The following ZRANB3 variants were observed in gnomAD, a reference collection of about 807,000 sequenced individuals.
ZRANB3 encodes DNA annealing helicase and endonuclease ZRANB3.
A neutral mutation model predicts 133.8 loss-of-function variants in ZRANB3; 125 were observed. That is an observed-to-expected ratio of 0.93 (90% CI 0.81 to 1.08). The LOEUF is 1.08. Among genes scored for constraint, ZRANB3 ranks in the 50% least tolerant of loss-of-function variants. The probability of loss-of-function intolerance (pLI) is 0.00; values close to 1 mark genes in which losing one functional copy is unlikely to be tolerated. For synonymous variants in ZRANB3, 387 were observed against 432.7 expected (o/e 0.89, Z 1.31); for missense variants, 1,229 against 1,275.5 (o/e 0.96, Z 0.56).
intron 8 of ZRANB3, among the ~76,000 whole-genome samples, chr2:135,282,612 G>C (rs1681148538): frequency 6.6e-6 from 1 of 152,114 alleles, no homozygotes; most frequent in Admixed American, 6.5e-5. Context: ...AAATATATCT[G>C]CAAATACAAA....
chr2:135,287,362 G>T (rs1023836353), intron 8 of ZRANB3, among the ~76,000 whole-genome samples: 1 of 151,996 alleles, frequency 6.6e-6, no homozygotes, highest in South Asian at 2.1e-4. Flanking sequence ...TGATACCCCT[G>T]GATTTGTTCT....
chr2:135,342,067 A>G (rs1166214784), intron 6 of ZRANB3, among the ~76,000 whole-genome samples: 1 of 149,622 alleles, frequency 6.7e-6, no homozygotes, highest in Non-Finnish European at 1.5e-5. Context: ...TACACTCCCT[A>G]CCTTTTGAAA....
At chr2:135,243,685 C>A (rs996274823) in intron 12 of ZRANB3, among the ~76,000 whole-genome samples, 1 of 152,002 alleles carries the variant, frequency 6.6e-6, no homozygotes, top group African/African-American at 2.4e-5. Flanking sequence ...ATGGTGTGAT[C>A]ACAGCTCACT....
rs565465968 is a variant in ZRANB3 at position 135,269,202 on chromosome 2, T to G, written c.1207-61A>C. 8.2e-6 allele frequency: 11 copies of G among 1,348,534 alleles called. No homozygotes were observed. In the South Asian group the frequency reaches 1.6e-4, roughly 19 times the overall value. 83.5% of individuals were successfully genotyped at this position (1,348,534 alleles called of 1,614,324 possible). ...CATACAGCCAATATATAATAAAGTA[T>G]TTCTGAACATGTTAAATGGAGAACA... is the stretch of plus-strand genomic sequence containing the variant. On this transcript the variant is annotated intron_variant, in intron 10 of 20. Transcript: ENST00000264159.
At chr2:135,414,197 T>C (rs1344295062) in intron 2 of ZRANB3, among the ~76,000 whole-genome samples, 1 of 152,064 alleles carries the variant, frequency 6.6e-6, no homozygotes, top group Non-Finnish European at 1.5e-5. Flanking sequence ...GTGTGCTGTA[T>C]TCAGGAAACC....
At chr2:135,240,452 A>G (rs1423175454) in intron 12 of ZRANB3, among the ~76,000 whole-genome samples, 3 of 152,272 alleles carry the variant, frequency 2.0e-5, no homozygotes, top group African/African-American at 7.2e-5. Flanking sequence ...CACAAATTCT[A>G]TCAGCTATTT....
chr2:135,375,722 G>A lies in ZRANB3; in HGVS notation c.180+15080C>T, dbSNP rs1409869176. Reference sequence around the variant, plus strand: ...ACCCACAAAGTTGGCCGGGGTGGTGGAGCATGCCTGTAATCCCAGCTACTT... The same window carrying A: ...ACCCACAAAGTTGGCCGGGGTGGTGAAGCATGCCTGTAATCCCAGCTACTT... On this transcript the variant is annotated intron_variant, in intron 3 of 20. Transcript: ENST00000264159. 9.2e-5 allele frequency among the ~76,000 whole-genome samples: 14 copies of A among 151,674 alleles called. 1 individual carries two copies. The highest frequency in any genetic ancestry group is 2.2e-4 in the African/African-American group (9 of 41,418).
At chr2:135,293,902 T>C (rs1681894732) in intron 8 of ZRANB3, among the ~76,000 whole-genome samples, 2 of 151,514 alleles carry the variant, frequency 1.3e-5, no homozygotes, top group Admixed American at 1.3e-4. Flanking sequence ...TTACGTTTAT[T>C]GATTTTCGTA....
intron 8 of ZRANB3, among the ~76,000 whole-genome samples, chr2:135,290,901 T>C (rs1681675550): frequency 6.6e-6 from 1 of 152,160 alleles, no homozygotes; most frequent in Non-Finnish European, 1.5e-5. Context: ...TTCCAAACTT[T>C]TAGACTTTTC....
chr2:135,283,631 C>T (rs1172107574), intron 8 of ZRANB3, among the ~76,000 whole-genome samples: 1 of 147,338 alleles, frequency 6.8e-6, no homozygotes, highest in Non-Finnish European at 1.5e-5. Context: ...AAAAAAAAAA[C>T]TGAATTCAAT....
At position 135,211,010 on chromosome 2, in the gene ZRANB3, CAGAG is replaced by C. The variant is rs113103633; in HGVS notation, c.2496-2036_2496-2033del. Among the ~76,000 whole-genome samples the C allele has an allele frequency of 3.0e-3, 449 of 151,762 alleles. 2 individuals carry two copies. The highest frequency in any genetic ancestry group is 0.01 in the African/African-American group (417 of 41,334). On this transcript the variant is annotated intron_variant, in intron 17 of 20. Coordinates refer to ENST00000264159, the MANE Select transcript of ZRANB3 (RefSeq NM_032143.4). ...CGCCACTGCACTCCAGCCTGGGTGA[CAGAG>C]AGAGACTCTGTCTCAAAAAAAAGAA...
intron 3 of ZRANB3, among the ~76,000 whole-genome samples, chr2:135,368,765 C>T (rs1027299683): frequency 4.6e-5 from 7 of 151,758 alleles, no homozygotes; most frequent in Admixed American, 1.3e-4. Flanking sequence ...TATACATCTA[C>T]TATGTACCCA....
chr2:135,463,585 T>G (rs1690857929), intron 2 of ZRANB3, among the ~76,000 whole-genome samples: 1 of 152,020 alleles, frequency 6.6e-6, no homozygotes. Context: ...GCCCGGCTAA[T>G]TTTTTGTTTA....
At position 135,197,549 on chromosome 2, in the gene ZRANB3, T is replaced by A. The variant is rs549690262; in HGVS notation, c.*2793A>T. On this transcript the variant is annotated 3_prime_UTR_variant, in exon 21 of 21. Coordinates refer to ENST00000264159, the MANE Select transcript of ZRANB3 (RefSeq NM_032143.4). ...AATTAACGCCAAGAGTGGGCGTCTT[T>A]AAAAATTCCATATGAATTATTCCTC... is the stretch of plus-strand genomic sequence containing the variant. 5.6e-4 allele frequency: 85 copies of A among 152,364 alleles called. No individual in the cohort carries two copies. Among genetic ancestry groups the A allele is most frequent in the African/African-American group, 2.0e-3 (83 of 41,588 alleles). 9.4% of individuals were successfully genotyped at this position (152,364 alleles called of 1,614,324 possible).
chr2:135,410,496 T>G (rs1688256428), intron 2 of ZRANB3, among the ~76,000 whole-genome samples: 1 of 152,144 alleles, frequency 6.6e-6, no homozygotes, highest in Admixed American at 6.6e-5. Context: ...CAAGATGGTT[T>G]AAATACTTAA....
At chr2:135,484,083 A>G (rs958380647) in intron 2 of ZRANB3, among the ~76,000 whole-genome samples, 6 of 152,108 alleles carry the variant, frequency 3.9e-5, no homozygotes. Flanking sequence ...AAAAATGTAT[A>G]TTTTGTTGAT....
At chr2:135,325,691 G>A (rs1009810834) in intron 6 of ZRANB3, among the ~76,000 whole-genome samples, 4 of 152,116 alleles carry the variant, frequency 2.6e-5, no homozygotes, top group South Asian at 2.1e-4. Flanking sequence ...CACCGCACCC[G>A]GCCATGAGGC....
At chr2:135,302,129 C>T (rs1314049491) in intron 8 of ZRANB3, among the ~76,000 whole-genome samples, 2 of 152,136 alleles carry the variant, frequency 1.3e-5, no homozygotes, top group Non-Finnish European at 2.9e-5. Context: ...TCCTGAAAAG[C>T]CTATTTAATC....
At chr2:135,224,239 A>G (rs1558840984) in intron 15 of ZRANB3, among the ~76,000 whole-genome samples, 187 bp downstream of exon 15, 1 of 152,220 alleles carries the variant, frequency 6.6e-6, no homozygotes, top group East Asian at 1.9e-4. Flanking sequence ...CCTGAAGTCT[A>G]TGTTCTTAAA....
Sources: allele counts gnomAD v4.1 joint callset (sites outside exome capture counted in the v4.1 genomes callset), GRCh38; gene constraint gnomAD v4.1.1; transcripts MANE v1.5; gene names NCBI Gene and HGNC (gene_info 2026-07-23, HGNC 2026-07-21).